The following PECR variants were observed in gnomAD, a reference collection of about 807,000 sequenced individuals.
PECR encodes the protein peroxisomal trans-2-enoyl-CoA reductase, also known as 2,4-dienoyl-CoA reductase-related protein.
In PECR, 30 loss-of-function variants were observed where a neutral mutation model predicts 35.3. That is an observed-to-expected ratio of 0.85 (90% CI 0.64 to 1.15). The LOEUF is 1.15. Among genes scored for constraint, PECR ranks in the 50% most tolerant of loss-of-function variants. The pLI is 0.00. For missense variants in PECR, 392 were observed against 370.8 expected, an observed-to-expected ratio of 1.06 and a Z score of -0.47; for synonymous variants, 148 against 138.9, an observed-to-expected ratio of 1.07 and a Z score of -0.46.
intron 1 of PECR, among the ~76,000 whole-genome samples, chr2:216,071,410 A>G (rs993712720): frequency 6.6e-6 from 1 of 152,206 alleles, no homozygotes; most frequent in African/African-American, 2.4e-5. Context: ...CATGGAAAGC[A>G]AATTGAAGCT....
intron 1 of PECR, among the ~76,000 whole-genome samples, chr2:216,070,794 T>G (rs756341416): frequency 4.5e-4 from 68 of 152,174 alleles, no homozygotes; most frequent in Non-Finnish European, 8.2e-4. Flanking sequence ...AGGTTCACAT[T>G]ATTGCTAACA....
intron 5 of PECR, among the ~76,000 whole-genome samples, chr2:216,049,592 T>G (rs974929912): frequency 6.6e-6 from 1 of 152,160 alleles, no homozygotes; most frequent in Non-Finnish European, 1.5e-5. Context: ...GACCTCCTCT[T>G]CCTCCTAACC....
intron 1 of PECR, among the ~76,000 whole-genome samples, chr2:216,073,814 T>C (rs1357154404): frequency 6.6e-6 from 1 of 152,168 alleles, no homozygotes; most frequent in Non-Finnish European, 1.5e-5. Flanking sequence ...ATATAAACCA[T>C]GTATATAGTA....
At chr2:216,040,285 C>T (rs889535047) in intron 7 of PECR, among the ~76,000 whole-genome samples, 3 of 152,192 alleles carry the variant, frequency 2.0e-5, no homozygotes, top group South Asian at 4.2e-4. Context: ...TTTTTTGAGA[C>T]AGGGTCTTGC....
intron 5 of PECR, among the ~76,000 whole-genome samples, chr2:216,049,739 C>T (rs527542118): frequency 6.6e-6 from 1 of 152,280 alleles, no homozygotes; most frequent in East Asian, 1.9e-4. Context: ...CTCTGCTTTA[C>T]AAGAGAAGAC....
intron 1 of PECR, among the ~76,000 whole-genome samples, chr2:216,068,225 C>CAAA (rs34646067): frequency 6.0e-4 from 39 of 64,998 alleles, no homozygotes; most frequent in African/African-American, 9.3e-4. Context: ...GACTCCATAT[C>CAAA]AAAAAAAAAA....
At chr2:216,041,541 C>G (rs899623132) in intron 7 of PECR, among the ~76,000 whole-genome samples, 3 of 152,176 alleles carry the variant, frequency 2.0e-5, no homozygotes, top group Non-Finnish European at 4.4e-5. Flanking sequence ...TATATTTGGT[C>G]TTCAACCCCA....
downstream of PECR, among the ~76,000 whole-genome samples, chr2:216,035,956 G>A (rs1278059444): frequency 6.6e-6 from 1 of 152,190 alleles, no homozygotes; most frequent in Non-Finnish European, 1.5e-5. Flanking sequence ...AAATTGCTGT[G>A]TGGTTTCTGC....
chr2:216,046,357 C>T (rs543759209), intron 6 of PECR, among the ~76,000 whole-genome samples: 24 of 135,560 alleles, frequency 1.8e-4, no homozygotes, highest in East Asian at 1.3e-3. Context: ...GTCACCCAGG[C>T]TGGAGTGCAG....
chr2:216,037,081 CT>C (rs67837861), downstream of PECR, among the ~76,000 whole-genome samples: 20,736 of 152,082 alleles, frequency 0.14, 1,720 homozygotes, highest in South Asian at 0.22. Context: ...TGTCTGACTC[CT>C]AGCATAATGC....
chr2:216,035,449 A>G (rs968080138), downstream of PECR, among the ~76,000 whole-genome samples: 4 of 150,570 alleles, frequency 2.7e-5, no homozygotes, highest in African/African-American at 9.8e-5. Flanking sequence ...TCCCTACTCA[A>G]TCTGGGTGTC....
intron 6 of PECR, among the ~76,000 whole-genome samples, chr2:216,045,053 C>T (rs558812127): frequency 6.6e-6 from 1 of 152,298 alleles, no homozygotes; most frequent in South Asian, 2.1e-4. Flanking sequence ...AATAAGGTGT[C>T]GAGGGTGCAA....
downstream of PECR, among the ~76,000 whole-genome samples, chr2:216,034,784 C>G (rs150265090): frequency 6.6e-6 from 1 of 152,094 alleles, no homozygotes; most frequent in Non-Finnish European, 1.5e-5. Context: ...CCGCCTCCCA[C>G]GTTAATGTCC....
In PECR at chr2:216,061,239, G is replaced by C. The variant is rs975143579; in HGVS notation, c.425-2263C>G. Among the ~76,000 whole-genome samples, 9 of 140,588 alleles carry C rather than the reference G, an allele frequency of 6.4e-5. 1 individual carries two copies. Among genetic ancestry groups the C allele is most frequent in the African/African-American group, 2.4e-4 (9 of 38,294 alleles). 92.2% of individuals were successfully genotyped at this position (140,588 alleles called of 152,430 possible). A position where few individuals can be genotyped will look rare whatever the true frequency, so the allele number is the denominator to read the frequency against. On this transcript the variant is annotated intron_variant, in intron 3 of 7. Coordinates refer to ENST00000265322, the MANE Select transcript of PECR (RefSeq NM_018441.6). ...AGGTGGAAGAATCGATTGAGCCCAGGGGGTGGAGGCTGCAGTGAGCCACGA... is the reference window on the plus strand; with the variant it reads ...AGGTGGAAGAATCGATTGAGCCCAGCGGGTGGAGGCTGCAGTGAGCCACGA...
chr2:216,079,190 T>C (rs192162660), intron 1 of PECR, among the ~76,000 whole-genome samples: 159 of 152,100 alleles, frequency 1.0e-3, no homozygotes, highest in African/African-American at 3.7e-3. Flanking sequence ...AGATTTTTTT[T>C]TTTTAGTTCA....
At chr2:216,057,675 G>C (rs1371312371) in intron 4 of PECR, 2 of 152,108 alleles carry the variant, frequency 1.3e-5, no homozygotes, top group African/African-American at 4.8e-5. Flanking sequence ...TCTGTTTTTA[G>C]TAACATCACA....
At chr2:216,067,377 GA>G (rs1161795521) in intron 1 of PECR, among the ~76,000 whole-genome samples, 4 of 151,958 alleles carry the variant, frequency 2.6e-5, no homozygotes, top group Admixed American at 2.0e-4. Flanking sequence ...GTGCCCACCA[GA>G]AAAAAACCTT....
At chr2:216,046,987 G>T (rs987589313) in intron 6 of PECR, among the ~76,000 whole-genome samples, 5 of 152,128 alleles carry the variant, frequency 3.3e-5, no homozygotes, top group African/African-American at 1.2e-4. Flanking sequence ...CAATAAATAG[G>T]CCAGGCGTGG....
chr2:216,060,700 T>A (rs1269068584), intron 3 of PECR, among the ~76,000 whole-genome samples: 1 of 151,902 alleles, frequency 6.6e-6, no homozygotes, highest in Non-Finnish European at 1.5e-5. Flanking sequence ...CAAACAATAA[T>A]TATTATTACC....
Sources: allele counts gnomAD v4.1 joint callset (sites outside exome capture counted in the v4.1 genomes callset), GRCh38; gene constraint gnomAD v4.1.1; transcripts MANE v1.5; gene names NCBI Gene and HGNC (gene_info 2026-07-23, HGNC 2026-07-21).